Variants in ANKS1B observed in about 807,000 individuals in gnomAD.
ANKS1B encodes the protein ankyrin repeat and sterile alpha motif domain containing 1B.
Under a neutral mutation model 148.3 loss-of-function variants are expected in ANKS1B, and 36 were observed. The ratio of observed to expected loss-of-function variants is 0.24; its 90% CI spans 0.19 to 0.32. The LOEUF is 0.32. Among genes scored for constraint, ANKS1B ranks in the 10% least tolerant of loss-of-function variants. The pLI, the probability that ANKS1B is intolerant of heterozygous loss-of-function variation, is 1.00. For synonymous variants in ANKS1B, 542 were observed against 560.8 expected (o/e 0.97, Z 0.47); for missense variants, 1,157 against 1,542.6 (o/e 0.75, Z 4.19).
chr12:99,614,366 C>T (rs934355622), intron 9 of ANKS1B, among the ~76,000 whole-genome samples: 2 of 150,394 alleles, frequency 1.3e-5, no homozygotes, highest in African/African-American at 4.9e-5. Context: ...ATGCAGGAGG[C>T]GGAGGTTGCA....
At chr12:99,880,083 G>A (rs1175517279) in intron 1 of ANKS1B, among the ~76,000 whole-genome samples, 1 of 152,050 alleles carries the variant, frequency 6.6e-6, no homozygotes, top group African/African-American at 2.4e-5. Context: ...CTCTTGACCT[G>A]AAAAAATGTA....
intron 12 of ANKS1B, among the ~76,000 whole-genome samples, chr12:99,267,842 C>T (rs943831338): frequency 2.0e-5 from 3 of 152,108 alleles, no homozygotes; most frequent in African/African-American, 4.8e-5. Flanking sequence ...GCACAGGAAG[C>T]ATGCACAAGC....
intron 12 of ANKS1B, among the ~76,000 whole-genome samples, chr12:99,300,877 G>A (rs934271835): frequency 2.6e-5 from 4 of 152,066 alleles, no homozygotes; most frequent in Admixed American, 2.0e-4. Context: ...AGATGTATTC[G>A]GTTTCAGAAC....
chr12:99,431,619 T>C (rs1245572724), intron 11 of ANKS1B, among the ~76,000 whole-genome samples: 2 of 152,196 alleles, frequency 1.3e-5, no homozygotes, highest in East Asian at 1.9e-4. Flanking sequence ...AATGGAAACT[T>C]TTTATATAAG....
At chr12:99,250,498 C>A (rs1173888160) in intron 12 of ANKS1B, among the ~76,000 whole-genome samples, 2 of 152,204 alleles carry the variant, frequency 1.3e-5, no homozygotes, top group Non-Finnish European at 2.9e-5. Context: ...GTCACCCCAA[C>A]CAAAAGCCAG....
chr12:98,769,006 G>A (rs1356714405), intron 25 of ANKS1B, among the ~76,000 whole-genome samples: 1 of 151,942 alleles, frequency 6.6e-6, no homozygotes, highest in East Asian at 1.9e-4. Context: ...GATGATATCA[G>A]ATAAAAACAT....
intron 26 of ANKS1B, among the ~76,000 whole-genome samples, chr12:98,748,633 A>C (rs2097967037): frequency 6.6e-6 from 1 of 152,224 alleles, no homozygotes; most frequent in African/African-American, 2.4e-5. Flanking sequence ...CTTAGGGATC[A>C]CTGAATATTT....
chr12:99,894,869 A>C (rs781346152), intron 1 of ANKS1B, among the ~76,000 whole-genome samples: 1 of 150,390 alleles, frequency 6.6e-6, no homozygotes, highest in Non-Finnish European at 1.5e-5. Context: ...ATTTTGGCTA[A>C]TGTAAGAGTT....
chr12:99,539,549 T>C (rs1422729303), intron 9 of ANKS1B, among the ~76,000 whole-genome samples: 11 of 152,092 alleles, frequency 7.2e-5, no homozygotes. Flanking sequence ...ATCTATTTAA[T>C]ACAAAGGAAG....
At chr12:99,031,408 C>G (rs1480139687) in intron 17 of ANKS1B, among the ~76,000 whole-genome samples, 4 of 152,144 alleles carry the variant, frequency 2.6e-5, no homozygotes, top group African/African-American at 9.7e-5. Flanking sequence ...CCAGTAAAAT[C>G]CATTCCAATT....
At chr12:98,825,104 C>T (rs543298582) in intron 19 of ANKS1B, among the ~76,000 whole-genome samples, 2 of 152,164 alleles carry the variant, frequency 1.3e-5, no homozygotes, top group African/African-American at 4.8e-5. Context: ...TACCATTTAC[C>T]AGCTGTGAGG....
At chr12:99,393,111 T>TAGATAGATAGAC (rs1342079341) in intron 12 of ANKS1B, among the ~76,000 whole-genome samples, 2 of 152,034 alleles carry the variant, frequency 1.3e-5, no homozygotes, top group Admixed American at 6.6e-5. Context: ...GATAGATAGA[T>TAGATAGATAGAC]AGATAGATAG....
At chr12:99,933,317 T>C (rs2094674086) in intron 1 of ANKS1B, among the ~76,000 whole-genome samples, 1 of 152,188 alleles carries the variant, frequency 6.6e-6, no homozygotes, top group Non-Finnish European at 1.5e-5. Flanking sequence ...GGTATTTTGA[T>C]AGGGATTACA....
intron 8 of ANKS1B, among the ~76,000 whole-genome samples, chr12:99,729,527 T>C (rs1278863301): frequency 6.6e-6 from 1 of 152,180 alleles, no homozygotes; most frequent in Non-Finnish European, 1.5e-5. Context: ...ATATTCTCTA[T>C]TTGATGCAAA....
chr12:99,681,300 T>C (rs2098615042), intron 8 of ANKS1B, among the ~76,000 whole-genome samples: 1 of 152,162 alleles, frequency 6.6e-6, no homozygotes, highest in Non-Finnish European at 1.5e-5. Flanking sequence ...AACAGCTAAT[T>C]CCACTGCCTG....
chr12:99,625,619 T>C (rs2098104617), intron 9 of ANKS1B, among the ~76,000 whole-genome samples: 1 of 152,168 alleles, frequency 6.6e-6, no homozygotes, highest in Non-Finnish European at 1.5e-5. Flanking sequence ...ATGATACAAA[T>C]GTTGGTTTTA....
chr12:99,652,073 G>GTGTA (rs1555529552), intron 9 of ANKS1B, among the ~76,000 whole-genome samples: 407 of 148,970 alleles, frequency 2.7e-3, no homozygotes, highest in Non-Finnish European at 4.8e-3. Context: ...GTTTACATGT[G>GTGTA]TATATATATA....
intron 4 of ANKS1B, among the ~76,000 whole-genome samples, chr12:99,792,018 A>G (rs1255545969): frequency 6.6e-6 from 1 of 151,878 alleles, no homozygotes; most frequent in Non-Finnish European, 1.5e-5. Context: ...GACTAACACA[A>G]GAGAGAAGAC....
chr12:98,758,367 A>AAGAT (rs1391459701), intron 25 of ANKS1B, among the ~76,000 whole-genome samples: 1 of 150,364 alleles, frequency 6.7e-6, no homozygotes, highest in Non-Finnish European at 1.5e-5. Flanking sequence ...AACTATACAT[A>AAGAT]AGATAAAATA....
Sources: gnomAD v4.1 joint callset for allele counts (sites outside exome capture counted in the v4.1 genomes callset) on GRCh38, gnomAD v4.1.1 for gene constraint, MANE v1.5 for transcripts, NCBI Gene and HGNC (gene_info 2026-07-23, HGNC 2026-07-21) for gene names.